TNNI3K: variants seen among roughly 807,000 people sequenced by gnomAD.
TNNI3K encodes the protein serine/threonine-protein kinase TNNI3K.
In TNNI3K, 140 loss-of-function variants were observed where a neutral mutation model predicts 114.5. The ratio of observed to expected loss-of-function variants is 1.22; its 90% CI spans 1.07 to 1.41. TNNI3K has a LOEUF of 1.41. Among genes scored for constraint, TNNI3K ranks in the 40% most tolerant of loss-of-function variants. The pLI is 0.00. For synonymous variants in TNNI3K, 347 were observed against 347.5 expected (o/e 1.00, Z 0.02); for missense variants, 1,125 against 1,007.6 (o/e 1.12, Z -1.58).
At chr1:74,288,238 A>G (rs1420998301) in intron 5 of TNNI3K, among the ~76,000 whole-genome samples, 1 of 152,096 alleles carries the variant, frequency 6.6e-6, no homozygotes. Context: ...TAAAATCAGC[A>G]TATTGAAGAT....
chr1:74,481,306 G>T (rs1281776795), intron 21 of TNNI3K, among the ~76,000 whole-genome samples: 1 of 152,112 alleles, frequency 6.6e-6, no homozygotes, highest in Non-Finnish European at 1.5e-5. Context: ...TCCCTCCGAG[G>T]CTATGTACTG....
At chr1:74,489,127 A>T (rs756754062) in intron 21 of TNNI3K, 62 bp from the exon 22 acceptor site, 39 of 1,437,806 alleles carry the variant, frequency 2.7e-5, no homozygotes, top group South Asian at 3.8e-5. Context: ...CAATTTTAAC[A>T]TCCAAAGAGA....
chr1:74,356,591 G>A (rs991156657), intron 11 of TNNI3K, among the ~76,000 whole-genome samples: 3 of 152,146 alleles, frequency 2.0e-5, no homozygotes, highest in Non-Finnish European at 2.9e-5. Context: ...CAAAGCATTA[G>A]TCTTCCGGAA....
At chr1:74,502,619 A>G (rs1669690826) in intron 23 of TNNI3K, among the ~76,000 whole-genome samples, 1 of 152,064 alleles carries the variant, frequency 6.6e-6, no homozygotes, top group Admixed American at 6.6e-5. Context: ...GTACTGAACT[A>G]CCTCGCACTT....
At chr1:74,323,149 G>A (rs1049708437) in intron 5 of TNNI3K, among the ~76,000 whole-genome samples, 2 of 151,924 alleles carry the variant, frequency 1.3e-5, no homozygotes, top group Non-Finnish European at 2.9e-5. Flanking sequence ...AAATATGCTG[G>A]TAATATGACT....
chr1:74,463,364 TTG>T (rs993032209), intron 20 of TNNI3K, 75 bp from the exon 21 acceptor site: 186 of 1,477,794 alleles, frequency 1.3e-4, no homozygotes, highest in Non-Finnish European at 1.4e-4. Flanking sequence ...TAATGCCTTT[TTG>T]TGTGTGTGTG....
chr1:74,434,305 T>C (rs1666026386), intron 17 of TNNI3K, among the ~76,000 whole-genome samples: 1 of 151,990 alleles, frequency 6.6e-6, no homozygotes. Flanking sequence ...TAATTCCTAT[T>C]GCATACTACA....
chr1:74,278,986 A>G (rs1286600841), intron 5 of TNNI3K, among the ~76,000 whole-genome samples: 1 of 152,146 alleles, frequency 6.6e-6, no homozygotes, highest in Non-Finnish European at 1.5e-5. Flanking sequence ...ACAGAAAAAG[A>G]TACAGATTCA....
rs115641293 is a variant in TNNI3K, at chr1:74,488,303, G to A, written c.2122-886G>A. Among the ~76,000 whole-genome samples, 1,142 of 152,206 alleles carry A rather than the reference G, an allele frequency of 7.5e-3. 10 individuals carry two copies. The highest frequency in any genetic ancestry group is 0.012 in the South Asian group (57 of 4,826). On this transcript the variant is annotated intron_variant, in intron 21 of 24. Coordinates refer to ENST00000326637, the MANE Select transcript of TNNI3K (RefSeq NM_015978.3). The stretch of plus-strand genomic sequence containing the variant: ...CCCCACCAACCTAGAGATACAAGGA[G>A]TATGTGAGAGGAAACAGCTTATAAG...
chr1:74,445,889 C>T (rs945146450), intron 20 of TNNI3K, among the ~76,000 whole-genome samples: 15 of 152,174 alleles, frequency 9.9e-5, no homozygotes, highest in Admixed American at 4.6e-4. Context: ...GGACTACAGG[C>T]GTGAGCCACC....
chr1:74,391,969 T>TA (rs1313685223), intron 17 of TNNI3K, among the ~76,000 whole-genome samples: 10 of 141,392 alleles, frequency 7.1e-5, no homozygotes, highest in African/African-American at 2.7e-4. Flanking sequence ...TTTTTTTTTT[T>TA]TTTTTTTTTT....
intron 17 of TNNI3K, among the ~76,000 whole-genome samples, chr1:74,408,646 C>T (rs569456087): frequency 2.3e-4 from 35 of 152,268 alleles, no homozygotes; most frequent in African/African-American, 8.4e-4. Flanking sequence ...TCTGGGTTCC[C>T]TGTTGATCAT....
intron 17 of TNNI3K, among the ~76,000 whole-genome samples, chr1:74,405,926 C>T (rs551827131): frequency 2.6e-5 from 4 of 152,262 alleles, no homozygotes; most frequent in Admixed American, 2.6e-4. Context: ...TTAGGTTTTC[C>T]TTGCTGGTAT....
intron 23 of TNNI3K, among the ~76,000 whole-genome samples, chr1:74,513,590 G>A (rs1014109498): frequency 6.6e-6 from 1 of 152,106 alleles, no homozygotes. Flanking sequence ...TTCATCCAGA[G>A]GCAGCTGGCG....
At chr1:74,241,260 A>G (rs545445593) in intron 2 of TNNI3K, among the ~76,000 whole-genome samples, 1 of 152,330 alleles carries the variant, frequency 6.6e-6, no homozygotes, top group African/African-American at 2.4e-5. Flanking sequence ...GTGACTTTAT[A>G]GCAGCATGTT....
intron 2 of TNNI3K, chr1:74,240,269 T>C: frequency 5.4e-6 from 1 of 185,970 alleles, no homozygotes; most frequent in Non-Finnish European, 1.1e-5. Context: ...CGTATCTTTT[T>C]GTGCATCAGC....
intron 5 of TNNI3K, among the ~76,000 whole-genome samples, chr1:74,273,498 A>ATTACAGAC (rs1179064803): frequency 1.3e-5 from 2 of 151,970 alleles, no homozygotes; most frequent in Non-Finnish European, 2.9e-5. Context: ...TGCCAGGAAA[A>ATTACAGAC]TTACAGACTA....
intron 21 of TNNI3K, among the ~76,000 whole-genome samples, chr1:74,466,591 G>T (rs1448951970): frequency 1.3e-5 from 2 of 152,178 alleles, no homozygotes; most frequent in Non-Finnish European, 2.9e-5. Flanking sequence ...TGAAGAAAAA[G>T]CATATTAGGA....
chr1:74,522,572 G>A (rs1444797087), intron 23 of TNNI3K, among the ~76,000 whole-genome samples: 1 of 152,078 alleles, frequency 6.6e-6, no homozygotes, highest in Non-Finnish European at 1.5e-5. Flanking sequence ...GAAAAAGAGA[G>A]AATCTGTCTT....
Sources: allele counts gnomAD v4.1 joint callset (sites outside exome capture counted in the v4.1 genomes callset), GRCh38; gene constraint gnomAD v4.1.1; transcripts MANE v1.5; gene names NCBI Gene and HGNC (gene_info 2026-07-23, HGNC 2026-07-21).